Variants in SMARCAD1 observed in about 807,000 individuals in gnomAD.
SMARCAD1 encodes SNF2 related chromatin remodeling ATPase with DExD box 1.
Under a neutral mutation model 127.1 loss-of-function variants are expected in SMARCAD1, and 25 were observed. The ratio of observed to expected loss-of-function variants is 0.20; its 90% confidence interval spans 0.14 to 0.27. The LOEUF is 0.27. SMARCAD1 is among the 10% of genes least tolerant of loss of function. The probability of loss-of-function intolerance (pLI) is 1.00; values close to 1 mark genes in which losing one functional copy is unlikely to be tolerated. For synonymous variants in SMARCAD1, 400 were observed against 396.9 expected, an observed-to-expected ratio of 1.01 and a Z score of -0.09; for missense variants, 807 against 1,206.0, an observed-to-expected ratio of 0.67 and a Z score of 4.90.
At chr4:94,283,587 A>G (rs966239554) in intron 22 of SMARCAD1, among the ~76,000 whole-genome samples, 8 of 152,338 alleles carry the variant, frequency 5.3e-5, no homozygotes, top group Admixed American at 1.3e-4. Flanking sequence ...GCACTTTGGG[A>G]GACTGAGGCG....
At chr4:94,226,425 C>A in intron 3 of SMARCAD1, 129 bp downstream of exon 3, 1 of 622,754 alleles carries the variant, frequency 1.6e-6, no homozygotes, top group Non-Finnish European at 2.7e-6. Context: ...GCCCCACCTG[C>A]CTTTCTTGGC....
intron 3 of SMARCAD1, 58 bp downstream of exon 3, chr4:94,226,354 AACCT>A: frequency 6.8e-7 from 1 of 1,472,410 alleles, no homozygotes; most frequent in Non-Finnish European, 9.4e-7. Context: ...CCAAGAAAAA[AACCT>A]ACCTAATTTG....
At chr4:94,220,495 G>A (rs184274557) in intron 2 of SMARCAD1, among the ~76,000 whole-genome samples, 1 of 152,162 alleles carries the variant, frequency 6.6e-6, no homozygotes, top group Admixed American at 6.5e-5. Flanking sequence ...TGATCTGCCC[G>A]TCTCGGCCTC....
intron 14 of SMARCAD1, 116 bp downstream of exon 14, chr4:94,275,081 A>G: frequency 2.5e-6 from 2 of 786,278 alleles, no homozygotes; most frequent in South Asian, 1.4e-5. Context: ...TACGAAAGTA[A>G]TAGAATGACT....
chr4:94,280,848 C>A, intron 20 of SMARCAD1, 68 bp downstream of exon 20: 1 of 1,427,440 alleles, frequency 7.0e-7, no homozygotes, highest in Non-Finnish European at 9.8e-7. Context: ...GCAATTCTGG[C>A]ACACTGACTT....
At position 94,216,095 on chromosome 4, in the gene SMARCAD1, A is replaced by G. The variant is rs114669287; in HGVS notation, c.190+7511A>G. On this transcript the variant is annotated intron_variant, in intron 2 of 23. Coordinates refer to ENST00000354268, the MANE Select transcript of SMARCAD1 (RefSeq NM_020159.5). ...TTAGGTATCTCAGGGCCCTATTCCT[A>G]GACCACAATCTTTTAACCCCATGTG... is the stretch of plus-strand genomic sequence containing the variant. Among the ~76,000 whole-genome samples, 431 of 152,198 alleles carry G rather than the reference A, an allele frequency of 2.8e-3. 2 individuals carry two copies. Among genetic ancestry groups the G allele is most frequent in the African/African-American group, 9.8e-3 (406 of 41,548 alleles).
intron 9 of SMARCAD1, chr4:94,253,208 T>C (rs138553975): frequency 6.6e-7 from 1 of 1,508,034 alleles, no homozygotes; most frequent in Non-Finnish European, 8.9e-7. Context: ...TAAGGGGTGA[T>C]TTTCCTGAAA....
intron 2 of SMARCAD1, among the ~76,000 whole-genome samples, chr4:94,224,771 C>CT (rs903432813): frequency 8.5e-5 from 13 of 152,080 alleles, no homozygotes; most frequent in African/African-American, 2.9e-4. Flanking sequence ...TCCTATATGA[C>CT]TTTGGGCAAG....
intron 2 of SMARCAD1, among the ~76,000 whole-genome samples, chr4:94,223,096 A>G (rs1333261953): frequency 6.6e-6 from 1 of 152,180 alleles, no homozygotes; most frequent in East Asian, 1.9e-4. Context: ...CCTAATCCTC[A>G]CTAATTAAAT....
chr4:94,278,520 A>G lies in SMARCAD1; in HGVS notation c.2178+3A>G. Reference sequence around the variant, plus strand: ...TTCTCAGAAGAGTAAAAGAAGAGGTAATGCATATCTACATGTTTTTTATTT... The same window carrying G: ...TTCTCAGAAGAGTAAAAGAAGAGGTGATGCATATCTACATGTTTTTTATTT... On this transcript the variant is annotated splice_donor_region_variant and intron_variant, in intron 17 of 23. Transcript: ENST00000354268. The G allele has an allele frequency of 6.2e-7, 1 of 1,609,836 alleles. No homozygotes were observed. Among genetic ancestry groups the G allele is most frequent in the Non-Finnish European group, 8.5e-7 (1 of 1,176,316 alleles).
At chr4:94,235,316 C>A (rs1746477943) in intron 4 of SMARCAD1, among the ~76,000 whole-genome samples, 2 of 128,216 alleles carry the variant, frequency 1.6e-5, no homozygotes, top group African/African-American at 2.9e-5. Flanking sequence ...TTGTGACTGG[C>A]TGCTTTCACC....
rs551451353 is a variant in SMARCAD1 at position 94,229,447 on chromosome 4, T to C, written c.368+3151T>C. ...GGTTTATAATTTAGTACTATTATTA[T>C]TCATTTTGGTGCACAAATTTCTCAG... On this transcript the variant is annotated intron_variant, in intron 3 of 23. Transcript: ENST00000354268. Among the ~76,000 whole-genome samples the C allele has an allele frequency of 7.9e-5, 12 of 152,260 alleles. No individual in the cohort carries two copies. In the South Asian group the frequency reaches 2.1e-3, roughly 26 times the overall value.
rs554240416 is a variant in SMARCAD1 at position 94,223,818 on chromosome 4, T to G, written c.191-2301T>G. On this transcript the variant is annotated intron_variant, in intron 2 of 23. Transcript: ENST00000354268. The stretch of plus-strand genomic sequence containing the variant: ...GGCTGATGTCGAACTCCTGACCTTG[T>G]GATCCGCCCACCTCGGCCTCCCAAA... Among the ~76,000 whole-genome samples the G allele has an allele frequency of 2.5e-3, 380 of 150,812 alleles. 1 individual carries two copies. Among genetic ancestry groups the G allele is most frequent in the Non-Finnish European group, 3.6e-3 (246 of 67,790 alleles).
intron 19 of SMARCAD1, among the ~76,000 whole-genome samples, chr4:94,279,386 C>A (rs1270375016): frequency 6.6e-6 from 1 of 152,206 alleles, no homozygotes; most frequent in East Asian, 1.9e-4. Context: ...GCGATTCGCC[C>A]GCCTTGGCCT....
At chr4:94,269,252 A>G (rs749944749) in intron 10 of SMARCAD1, among the ~76,000 whole-genome samples, 38 of 152,142 alleles carry the variant, frequency 2.5e-4, no homozygotes, top group Admixed American at 2.4e-3. Flanking sequence ...TGATCCTTCA[A>G]CAATTTATTA....
chr4:94,269,006 G>A (rs1347314207), intron 10 of SMARCAD1, among the ~76,000 whole-genome samples: 5 of 152,010 alleles, frequency 3.3e-5, no homozygotes, highest in Non-Finnish European at 1.5e-5. Flanking sequence ...TTAAAATTCA[G>A]CAAAAGAATT....
At chr4:94,262,890 A>T (rs1751209647) in intron 9 of SMARCAD1, among the ~76,000 whole-genome samples, 3 of 61,332 alleles carry the variant, frequency 4.9e-5, no homozygotes, top group Admixed American at 3.8e-4. Flanking sequence ...AATTTCTGTT[A>T]AAAAAAAAAA....
intron 23 of SMARCAD1, among the ~76,000 whole-genome samples, chr4:94,286,832 A>G (rs1012484384): frequency 9.2e-5 from 14 of 152,218 alleles, no homozygotes; most frequent in South Asian, 4.1e-4. Flanking sequence ...TCTCAAGCCA[A>G]TAGCTTTGAA....
chr4:94,213,718 A>C (rs936983923), intron 2 of SMARCAD1, among the ~76,000 whole-genome samples: 4 of 152,204 alleles, frequency 2.6e-5, no homozygotes, highest in Non-Finnish European at 5.9e-5. Context: ...AGATAACTCA[A>C]ATGTTCCTTG....
Sources: gnomAD v4.1 joint callset for allele counts (sites outside exome capture counted in the v4.1 genomes callset) on GRCh38, gnomAD v4.1.1 for gene constraint, MANE v1.5 for transcripts, NCBI Gene and HGNC (gene_info 2026-07-23, HGNC 2026-07-21) for gene names.